Variants in CHD7 observed in about 807,000 individuals in gnomAD.
The protein encoded by CHD7 is chromodomain helicase DNA binding protein 7, also known as ATP-dependent chromatin remodeler CHD7.
CHD7 carries 24 observed loss-of-function variants against 307.3 expected under a neutral mutation model. The observed-to-expected ratio is 0.08, with a 90% CI of 0.06 to 0.11. CHD7 has a LOEUF of 0.11. Among genes scored for constraint, CHD7 ranks in the 10% least tolerant of loss-of-function variants. The pLI is 1.00. For missense variants in CHD7, 3,106 were observed against 3,727.1 expected (o/e 0.83, Z 4.34); for synonymous variants, 1,363 against 1,349.9 (o/e 1.01, Z -0.21).
intron 1 of CHD7, among the ~76,000 whole-genome samples, chr8:60,733,749 C>G (rs1339285660): frequency 2.0e-5 from 3 of 151,758 alleles, no homozygotes; most frequent in Non-Finnish European, 4.4e-5. Flanking sequence ...ACGTTAGCCT[C>G]AATACTGCAT....
chr8:60,795,111 A>G lies in CHD7; in HGVS notation c.2222A>G (p.Glu741Gly). 6.2e-7 allele frequency: 1 copy of G among 1,613,364 alleles called. No individual in the cohort carries two copies. ...PPPSPPPEED[E>G]DPGVQKRRSS... ...CCATCTCCTCCTCCTGAAGAAGATG[A>G]GGACCCAGGTGTTCAGGTAATACAA... Residue 741 changes from glutamate to glycine, a missense_variant, in exon 4 of 38, where the codon GAG (glutamate) becomes GGG (glycine). Around this residue, in one of 10 missense-constraint regions of CHD7, gnomAD observed 998 missense variants for 1,004.5 expected, o/e 0.99. Transcript: ENST00000423902.
At chr8:60,715,295 A>T (rs1196428666) in intron 1 of CHD7, among the ~76,000 whole-genome samples, 1 of 143,804 alleles carries the variant, frequency 7.0e-6, no homozygotes, top group Non-Finnish European at 1.5e-5. Context: ...CAACTCAGGG[A>T]GGGGCCTTTC....
At chr8:60,864,693 T>A (rs112442804) in intron 37 of CHD7, 599 of 291,496 alleles carry the variant, frequency 2.1e-3, no homozygotes, top group Non-Finnish European at 3.1e-3. Flanking sequence ...AAAAACTAGA[T>A]CTTACTCATC....
chr8:60,712,238 A>G (rs1015549648), intron 1 of CHD7, among the ~76,000 whole-genome samples: 9 of 152,352 alleles, frequency 5.9e-5, no homozygotes, highest in Middle Eastern at 6.8e-3. Context: ...GCTTCATTAC[A>G]TAACTTGCTT....
chr8:60,741,643 C>A lies in CHD7; in HGVS notation c.211C>A (p.His71Asn). Reference sequence around the variant, plus strand: ...TCAAACAAAGCTGACACATTTTGATCACTATAATCAGTATGAACAACAAAA... The same window carrying A: ...TCAAACAAAGCTGACACATTTTGATAACTATAATCAGTATGAACAACAAAA... ...QNQTKLTHFD[H>N]YNQYEQQKMH... Residue 71 changes from histidine (H) to asparagine (N), a missense_variant, in exon 2 of 38, where the codon CAC (histidine) becomes AAC (asparagine). Physicochemically the swap from His to Asn is moderately conservative, Grantham distance 68. This residue lies in a region of CHD7 where 998 missense variants were observed against 1,004.5 expected (regional missense o/e 0.99). Coordinates refer to ENST00000423902, the MANE Select transcript of CHD7 (RefSeq NM_017780.4). The A allele has an allele frequency of 6.2e-7, 1 of 1,613,698 alleles. No homozygotes were observed. The highest frequency in any genetic ancestry group is 8.5e-7 in the Non-Finnish European group (1 of 1,179,728).
At chr8:60,725,242 C>T (rs2150551609) in intron 1 of CHD7, among the ~76,000 whole-genome samples, 1 of 152,228 alleles carries the variant, frequency 6.6e-6, no homozygotes, top group Non-Finnish European at 1.5e-5. Flanking sequence ...ATGGAGATGT[C>T]TTAAAGGAAT....
chr8:60,740,774 G>A (rs1808958673), intron 1 of CHD7, among the ~76,000 whole-genome samples: 1 of 152,162 alleles, frequency 6.6e-6, no homozygotes, highest in Admixed American at 6.5e-5. Flanking sequence ...TAACTAACTT[G>A]AGCTTTTCAC....
intron 3 of CHD7, among the ~76,000 whole-genome samples, chr8:60,782,565 G>T (rs1319135864): frequency 1.3e-5 from 2 of 152,236 alleles, no homozygotes; most frequent in African/African-American, 2.4e-5. Flanking sequence ...CACCTTTTAT[G>T]GTGCCAAAGT....
At chr8:60,700,659 T>C (rs1308187549) in intron 1 of CHD7, among the ~76,000 whole-genome samples, 1 of 152,206 alleles carries the variant, frequency 6.6e-6, no homozygotes, top group African/African-American at 2.4e-5. Flanking sequence ...TCTGTCAACA[T>C]GCAGCTTTCT....
chr8:60,824,420 A>G (rs966317883), intron 13 of CHD7: 7 of 241,732 alleles, frequency 2.9e-5, no homozygotes, highest in East Asian at 1.6e-4. Context: ...GGGATGTTCA[A>G]CCCGTAAGTA....
At position 60,795,071 on chromosome 8, in the gene CHD7, G is replaced by C. The variant is rs756365280; in HGVS notation, c.2182G>C (p.Asp728His). Residue 728 changes from aspartate to histidine, a missense_variant, in exon 4 of 38, where the codon GAC becomes CAC. This residue lies in a region of CHD7 where 998 missense variants were observed against 1,004.5 expected (regional missense o/e 0.99). Transcript: ENST00000423902. ...KTEGSENSDL[D>H]KTPPPSPPPE... Reference sequence around the variant, plus strand: ...AGAAGGTTCTGAAAATTCAGACTTAGACAAAACACCCCCACCATCTCCTCC... The same window carrying C: ...AGAAGGTTCTGAAAATTCAGACTTACACAAAACACCCCCACCATCTCCTCC... 9.3e-5 allele frequency: 150 copies of C among 1,613,782 alleles called. No individual in the cohort carries two copies. The highest frequency in any genetic ancestry group is 1.2e-4 in the Non-Finnish European group (145 of 1,179,822).
At position 60,708,705 on chromosome 8, in the gene CHD7, C is replaced by T. The variant is rs555458106; in HGVS notation, c.-175+29623C>T. ...CTTTTGCTTCGCCCTATTTCAAGTA[C>T]GATTTTGTCCACTCAAACTCAGCTT... On this transcript the variant is annotated intron_variant, in intron 1 of 37. Transcript: ENST00000423902. 3.3e-4 allele frequency among the ~76,000 whole-genome samples: 50 copies of T among 152,316 alleles called. No individual in the cohort carries two copies. In the South Asian group the frequency reaches 1.0e-2, roughly 30 times the overall value.
At chr8:60,762,254 G>C (rs906710789) in intron 2 of CHD7, among the ~76,000 whole-genome samples, 6 of 152,166 alleles carry the variant, frequency 3.9e-5, no homozygotes, top group Non-Finnish European at 7.3e-5. Flanking sequence ...TTTCACCCCT[G>C]AGCTTCTGGC....
chr8:60,727,554 G>A (rs574839825), intron 1 of CHD7, among the ~76,000 whole-genome samples: 4 of 152,176 alleles, frequency 2.6e-5, no homozygotes, highest in Admixed American at 2.6e-4. Context: ...GAACTGGTTG[G>A]TTGGTCACTT....
In CHD7 at chr8:60,742,216, A is replaced by G. The variant is rs1174730803; in HGVS notation, c.784A>G (p.Thr262Ala). Residue 262 changes from threonine to alanine, a missense_variant, in exon 2 of 38, where the codon ACT becomes GCT. Thr to Ala is a moderately conservative substitution (Grantham distance 58). Coordinates refer to ENST00000423902, the MANE Select transcript of CHD7 (RefSeq NM_017780.4). ...SVQQFHHHPS[T>A]ALHGESVAHS... The stretch of plus-strand genomic sequence containing the variant: ...GCAGCAGTTCCATCACCACCCCTCT[A>G]CTGCTCTCCATGGAGAATCCGTTGC... 6.2e-7 allele frequency: 1 copy of G among 1,613,438 alleles called. No individual in the cohort carries two copies. Among genetic ancestry groups the G allele is most frequent in the South Asian group, 1.1e-5 (1 of 91,056 alleles).
chr8:60,819,724 A>G (rs1803938031), intron 8 of CHD7, among the ~76,000 whole-genome samples: 2 of 152,326 alleles, frequency 1.3e-5, no homozygotes, highest in African/African-American at 4.8e-5. Flanking sequence ...TCATTAGTGA[A>G]TTGTAATTTC....
rs748644473 is a variant in CHD7, at chr8:60,841,861, T to A, written c.4659T>A (p.Ile1553=). The A allele has an allele frequency of 1.2e-4, 187 of 1,607,838 alleles. No homozygotes were observed. The highest frequency in any genetic ancestry group is 1.5e-4 in the Non-Finnish European group (180 of 1,176,668). ...DALNGRNNLV[I]DTPRVRKQTR... ...TTTATTATTAGAACAACCTGGTTAT[T>A]GATACTCCAAGAGTGAGAAAGCAGA... The change falls in exon 21 of 38, where the codon ATT becomes ATA. Residue 1553 remains isoleucine, a synonymous_variant. Transcript: ENST00000423902.
chr8:60,743,784 A>G (rs1473535426), intron 2 of CHD7, among the ~76,000 whole-genome samples: 2 of 152,268 alleles, frequency 1.3e-5, no homozygotes, highest in Admixed American at 6.5e-5. Flanking sequence ...TCATATTCAC[A>G]AAGACATCTT....
chr8:60,822,081 A>G lies in CHD7; in HGVS notation c.2893A>G (p.Asn965Asp). ...GGAGAGTTCCAGGGAGTATAAAAAC[A>G]ATAACAAACTCAGGGAATACCAGTT... ...KSESSREYKN[N>D]NKLREYQLEG... is the part of the protein sequence containing the mutation. The change falls in exon 11 of 38, where the codon AAT (asparagine) becomes GAT (aspartate). Residue 965 changes from asparagine (N) to aspartate (D), a missense_variant. Physicochemically the swap from Asn to Asp is conservative, Grantham distance 23. This residue lies in a region of CHD7 where 188 missense variants were observed against 261.7 expected (regional missense o/e 0.72). Transcript: ENST00000423902. 6.2e-7 allele frequency: 1 copy of G among 1,613,898 alleles called. No individual in the cohort carries two copies.
Sources: gnomAD v4.1 joint callset for allele counts (sites outside exome capture counted in the v4.1 genomes callset) on GRCh38, gnomAD v4.1.1 for gene constraint, gnomAD v4.1.1 regional missense constraint, MANE v1.5 for transcripts, NCBI Gene and HGNC (gene_info 2026-07-23, HGNC 2026-07-21) for gene names.